KLF12: variants seen among roughly 807,000 people sequenced by gnomAD.
The protein encoded by KLF12 is Krueppel-like factor 12.
A neutral mutation model predicts 37.8 loss-of-function variants in KLF12; 9 were observed. The observed-to-expected ratio is 0.24, with a 90% CI of 0.14 to 0.42. The LOEUF (loss-of-function observed/expected upper bound fraction) is 0.42. Among genes scored for constraint, KLF12 ranks in the 10% least tolerant of loss-of-function variants. KLF12 has a pLI of 1.00. For missense variants in KLF12, 411 were observed against 516.0 expected (o/e 0.80, Z 1.97); for synonymous variants, 208 against 202.1 (o/e 1.03, Z -0.25).
chr13:74,189,713 G>C, the KLF12 span, among the ~76,000 whole-genome samples: 1 of 152,020 alleles, frequency 6.6e-6, no homozygotes, highest in Admixed American at 6.5e-5. Context: ...TCATATATAA[G>C]TAACATATAC....
the KLF12 span, among the ~76,000 whole-genome samples, chr13:74,278,361 C>T: frequency 6.6e-6 from 1 of 152,182 alleles, no homozygotes; most frequent in Non-Finnish European, 1.5e-5. Context: ...ATATCTGGCC[C>T]AGTGGAAACT....
chr13:73,938,807 G>A (rs1890062839), intron 3 of KLF12, among the ~76,000 whole-genome samples: 1 of 152,148 alleles, frequency 6.6e-6, no homozygotes, highest in Non-Finnish European at 1.5e-5. Flanking sequence ...GAGTGCATAG[G>A]AATCTCTGGT....
intron 3 of KLF12, among the ~76,000 whole-genome samples, chr13:73,896,513 G>A (rs954833820): frequency 6.6e-6 from 1 of 152,134 alleles, no homozygotes; most frequent in Non-Finnish European, 1.5e-5. Context: ...AAAGCTGACA[G>A]TAAAAATGTG....
the KLF12 span, among the ~76,000 whole-genome samples, chr13:74,282,333 C>T: frequency 1.3e-5 from 2 of 152,190 alleles, no homozygotes. Context: ...TAAGATGATG[C>T]CTTGCTTGCA....
intron 1 of KLF12, among the ~76,000 whole-genome samples, chr13:74,089,773 A>G (rs1232146525): frequency 1.3e-5 from 2 of 148,504 alleles, no homozygotes; most frequent in East Asian, 2.1e-4. Flanking sequence ...ATAGAAAGGA[A>G]TTTCCTTGAC....
chr13:73,874,999 T>C (rs911804029), intron 3 of KLF12, among the ~76,000 whole-genome samples: 1 of 152,080 alleles, frequency 6.6e-6, no homozygotes, highest in Admixed American at 6.6e-5. Flanking sequence ...CAGGAATAAT[T>C]TGAGTATGGT....
intron 1 of KLF12, among the ~76,000 whole-genome samples, chr13:74,083,491 G>GGCGAT (rs1555270471): frequency 2.6e-3 from 300 of 117,564 alleles, no homozygotes; most frequent in African/African-American, 0.01. Context: ...TGGGCGATAG[G>GGCGAT]AGACACACAC....
intron 3 of KLF12, among the ~76,000 whole-genome samples, chr13:73,922,955 C>T (rs1056174082): frequency 1.3e-5 from 2 of 152,112 alleles, no homozygotes; most frequent in Non-Finnish European, 2.9e-5. Context: ...GCCATCAGAC[C>T]TTCCGCCACA....
chr13:73,905,916 T>TC (rs1462359837), intron 3 of KLF12, among the ~76,000 whole-genome samples: 2 of 152,176 alleles, frequency 1.3e-5, no homozygotes, highest in Non-Finnish European at 2.9e-5. Flanking sequence ...CCAACTCTTC[T>TC]CCATGCCTGT....
At chr13:74,146,495 GA>G in the KLF12 span, among the ~76,000 whole-genome samples, 1 of 152,114 alleles carries the variant, frequency 6.6e-6, no homozygotes, top group Non-Finnish European at 1.5e-5. Flanking sequence ...ACACTGGGGA[GA>G]AAAACAGATT....
At chr13:74,047,576 G>T (rs1349856629) in intron 1 of KLF12, among the ~76,000 whole-genome samples, 1 of 144,662 alleles carries the variant, frequency 6.9e-6, no homozygotes, top group Middle Eastern at 3.3e-3. Flanking sequence ...CAGCCTGGGC[G>T]ACATAATGAG....
In KLF12 at chr13:74,074,122, C is replaced by T. The variant is rs570991339; in HGVS notation, c.-32+59617G>A. ...TTAAAAAGCAATGTAAAACACTGTC[C>T]CTTCTGCTACTGTTTTCTCATTCGA... On this transcript the variant is annotated intron_variant, in intron 1 of 7. Transcript: ENST00000377669. 3.0e-4 allele frequency among the ~76,000 whole-genome samples: 46 copies of T among 152,208 alleles called. 2 individuals are homozygous for T. The South Asian group carries it at 9.4e-3, about 31-fold the overall frequency.
chr13:73,960,583 T>C (rs1239801021), intron 2 of KLF12, among the ~76,000 whole-genome samples: 1 of 152,180 alleles, frequency 6.6e-6, no homozygotes, highest in Non-Finnish European at 1.5e-5. Flanking sequence ...TAACCAGCAA[T>C]GTGCACATAC....
chr13:74,095,288 T>C (rs764062788), intron 1 of KLF12, among the ~76,000 whole-genome samples: 1 of 152,238 alleles, frequency 6.6e-6, no homozygotes, highest in Non-Finnish European at 1.5e-5. Flanking sequence ...AATATAATTA[T>C]ATTCAGTGAA....
intron 3 of KLF12, among the ~76,000 whole-genome samples, chr13:73,941,554 T>C (rs1354391681): frequency 6.6e-6 from 1 of 152,182 alleles, no homozygotes; most frequent in Non-Finnish European, 1.5e-5. Flanking sequence ...GCTCTCCTTA[T>C]CTAAAAATAG....
intron 5 of KLF12, among the ~76,000 whole-genome samples, chr13:73,810,044 G>A (rs377004864): frequency 9.9e-5 from 15 of 152,068 alleles, no homozygotes; most frequent in Non-Finnish European, 2.1e-4. Context: ...TGAGGAGTTC[G>A]AGACCAACTG....
chr13:74,156,705 A>G, the KLF12 span, among the ~76,000 whole-genome samples: 1 of 151,848 alleles, frequency 6.6e-6, no homozygotes, highest in Non-Finnish European at 1.5e-5. Context: ...GATCCCACAA[A>G]TAAGTGAGAA....
intron 1 of KLF12, among the ~76,000 whole-genome samples, chr13:74,107,292 G>A (rs970538413): frequency 1.3e-5 from 2 of 152,162 alleles, no homozygotes; most frequent in Admixed American, 6.5e-5. Context: ...ATGCCTTTAG[G>A]AGGCACACAT....
chr13:73,766,780 A>G (rs1373350540), intron 5 of KLF12, among the ~76,000 whole-genome samples: 1 of 152,250 alleles, frequency 6.6e-6, no homozygotes, highest in Non-Finnish European at 1.5e-5. Context: ...GTTTAATGAC[A>G]GAAGTATTCT....
Sources: allele counts gnomAD v4.1 joint callset (sites outside exome capture counted in the v4.1 genomes callset), GRCh38; gene constraint gnomAD v4.1.1; transcripts MANE v1.5; gene names NCBI Gene and HGNC (gene_info 2026-07-23, HGNC 2026-07-21).